KCNH7: variants seen among roughly 807,000 people sequenced by gnomAD.
The protein encoded by KCNH7 is potassium voltage-gated channel subfamily H member 7.
A neutral mutation model predicts 120.8 loss-of-function variants in KCNH7; 49 were observed. The ratio of observed to expected loss-of-function variants is 0.41; its 90% CI spans 0.32 to 0.51. The LOEUF is 0.51. KCNH7 is among the 20% of genes least tolerant of loss of function. The pLI is 0.38. For synonymous variants in KCNH7, 547 were observed against 516.1 expected (o/e 1.06, Z -0.81); for missense variants, 1,097 against 1,446.6 (o/e 0.76, Z 3.92).
chr2:162,513,280 TCC>T (rs1691151504), intron 4 of KCNH7, among the ~76,000 whole-genome samples: 1 of 141,430 alleles, frequency 7.1e-6, no homozygotes, highest in Admixed American at 7.2e-5. Flanking sequence ...CCTCCTTCCC[TCC>T]TTCCCTCCTT....
At chr2:162,467,960 C>T (rs1021060118) in intron 6 of KCNH7, among the ~76,000 whole-genome samples, 5 of 152,182 alleles carry the variant, frequency 3.3e-5, no homozygotes, top group African/African-American at 1.2e-4. Flanking sequence ...CTCTTACCCT[C>T]ATGATCTAAT....
At chr2:162,415,504 T>A (rs1381477955) in intron 9 of KCNH7, among the ~76,000 whole-genome samples, 1 of 152,196 alleles carries the variant, frequency 6.6e-6, no homozygotes, top group East Asian at 1.9e-4. Flanking sequence ...TTAATCACTG[T>A]AAAACAAATT....
rs757257155 is a variant in KCNH7, at chr2:162,396,746, G to A, written c.2607C>T (p.Ser869=). The change falls in exon 11 of 16, where the codon AGC becomes AGT. Residue 869 remains serine, a synonymous_variant. Transcript: ENST00000332142. ...LELTFNLRHE[S]AKADLLRSQS... Reference sequence around the variant, plus strand: ...GCAAACAGTTAACATATACCTTTGCGCTCTCATGCCTTAGGTTGAAAGTCA... The same window carrying A: ...GCAAACAGTTAACATATACCTTTGCACTCTCATGCCTTAGGTTGAAAGTCA... 39 of 1,606,138 alleles carry A rather than the reference G, an allele frequency of 2.4e-5. 1 individual carries two copies. Among genetic ancestry groups the A allele is most frequent in the Middle Eastern group, 1.7e-4 (1 of 6,058 alleles).
At chr2:162,373,920 T>C (rs1033579204) in intron 14 of KCNH7, among the ~76,000 whole-genome samples, 2 of 152,194 alleles carry the variant, frequency 1.3e-5, no homozygotes, top group African/African-American at 2.4e-5. Context: ...AGACTACATG[T>C]TTACTAACCT....
chr2:162,492,583 A>T (rs1329508545), intron 6 of KCNH7, among the ~76,000 whole-genome samples: 1 of 152,166 alleles, frequency 6.6e-6, no homozygotes, highest in Non-Finnish European at 1.5e-5. Flanking sequence ...ACCTATAAAG[A>T]TTCCAGATTT....
At chr2:162,606,841 A>C (rs1030251345) in intron 2 of KCNH7, among the ~76,000 whole-genome samples, 8 of 152,190 alleles carry the variant, frequency 5.3e-5, no homozygotes, top group African/African-American at 1.9e-4. Flanking sequence ...ATCTTAAACA[A>C]AATATATAAA....
At chr2:162,743,832 C>T (rs536661380) in intron 2 of KCNH7, among the ~76,000 whole-genome samples, 17 of 152,214 alleles carry the variant, frequency 1.1e-4, no homozygotes, top group African/African-American at 4.1e-4. Context: ...AATTATGACA[C>T]ATTATCAAGA....
chr2:162,631,160 A>C (rs1683753247), intron 2 of KCNH7, among the ~76,000 whole-genome samples: 1 of 152,098 alleles, frequency 6.6e-6, no homozygotes. Context: ...ACTGCATTTT[A>C]GGCAATTGAA....
At chr2:162,758,425 G>C (rs537979975) in intron 2 of KCNH7, among the ~76,000 whole-genome samples, 3 of 152,128 alleles carry the variant, frequency 2.0e-5, no homozygotes, top group Non-Finnish European at 2.9e-5. Flanking sequence ...CTTAAAGTTT[G>C]TATGTATACA....
At position 162,384,885 on chromosome 2, in the gene KCNH7, C is replaced by G; in HGVS notation, c.2765G>C (p.Ser922Thr). 6.2e-7 allele frequency: 1 copy of G among 1,612,196 alleles called. No homozygotes were observed. Among genetic ancestry groups the G allele is most frequent in the African/African-American group, 1.3e-5 (1 of 74,910 alleles). Residue 922 changes from serine (S) to threonine (T), a missense_variant, in exon 13 of 16, where the codon AGT becomes ACT. By Grantham distance (58) the Ser-to-Thr change is moderately conservative (BLOSUM62 1). Coordinates refer to ENST00000332142, the MANE Select transcript of KCNH7 (RefSeq NM_033272.4). ...TTTCTCTTCAAAGTGTCTCTTGGAA[C>G]TCTGATAATGTCTTATGGTATCTGC... ...DSADTIRHYQ[S>T]SKRHFEEKKS...
intron 2 of KCNH7, among the ~76,000 whole-genome samples, chr2:162,750,190 G>A (rs1464302771): frequency 1.3e-5 from 2 of 150,516 alleles, no homozygotes; most frequent in Non-Finnish European, 1.5e-5. Context: ...AGCTTCAAGT[G>A]GTGCCTATCA....
intron 2 of KCNH7, among the ~76,000 whole-genome samples, chr2:162,638,305 G>T (rs927012647): frequency 1.3e-5 from 2 of 152,008 alleles, no homozygotes; most frequent in Non-Finnish European, 1.5e-5. Context: ...ATCATCAGTT[G>T]CATTTTTTAT....
chr2:162,532,999 G>T (rs1263476531), intron 3 of KCNH7, among the ~76,000 whole-genome samples: 1 of 151,854 alleles, frequency 6.6e-6, no homozygotes. Context: ...AGAAGAAAAG[G>T]ATTATAAGCT....
intron 3 of KCNH7, among the ~76,000 whole-genome samples, chr2:162,530,510 G>T (rs1450568273): frequency 6.6e-6 from 1 of 151,840 alleles, no homozygotes; most frequent in Non-Finnish European, 1.5e-5. Context: ...AAACACTTTA[G>T]TGAGAGAGTA....
At chr2:162,589,468 A>C (rs1200041727) in intron 2 of KCNH7, among the ~76,000 whole-genome samples, 3 of 152,020 alleles carry the variant, frequency 2.0e-5, no homozygotes, top group African/African-American at 4.8e-5. Context: ...AGAACAAATA[A>C]AAGAGTTCCC....
At chr2:162,680,869 G>A (rs1049744808) in intron 2 of KCNH7, among the ~76,000 whole-genome samples, 1 of 151,714 alleles carries the variant, frequency 6.6e-6, no homozygotes, top group Non-Finnish European at 1.5e-5. Flanking sequence ...TCAGGAAAAC[G>A]CCCATAGGGC....
At chr2:162,588,681 A>T (rs1471189192) in intron 2 of KCNH7, among the ~76,000 whole-genome samples, 1 of 152,234 alleles carries the variant, frequency 6.6e-6, no homozygotes, top group East Asian at 1.9e-4. Context: ...TACTAATCAG[A>T]TCAGAGTAAT....
chr2:162,524,825 C>T (rs1249494387), intron 3 of KCNH7, among the ~76,000 whole-genome samples: 1 of 151,882 alleles, frequency 6.6e-6, no homozygotes, highest in Non-Finnish European at 1.5e-5. Context: ...GGACATGAGT[C>T]TCTCCTACTC....
intron 2 of KCNH7, among the ~76,000 whole-genome samples, chr2:162,574,938 A>C (rs1693619705): frequency 6.6e-6 from 1 of 152,156 alleles, no homozygotes; most frequent in Non-Finnish European, 1.5e-5. Context: ...ATGCTCAGGT[A>C]GATGAGAATA....
Sources: allele counts gnomAD v4.1 joint callset (sites outside exome capture counted in the v4.1 genomes callset), GRCh38; gene constraint gnomAD v4.1.1; transcripts MANE v1.5; gene names NCBI Gene and HGNC (gene_info 2026-07-23, HGNC 2026-07-21).